Variants in CTNNA3 observed in about 807,000 individuals in gnomAD.
CTNNA3 encodes the protein catenin alpha 3.
Under a neutral mutation model 95.7 loss-of-function variants are expected in CTNNA3, and 76 were observed. The observed-to-expected ratio is 0.79, with a 90% CI of 0.66 to 0.96. The LOEUF is 0.96. Among genes scored for constraint, CTNNA3 ranks in the 40% least tolerant of loss-of-function variants. The pLI is 0.00. For synonymous variants in CTNNA3, 431 were observed against 374.4 expected (o/e 1.15, Z -1.74); for missense variants, 1,191 against 1,089.8 (o/e 1.09, Z -1.31).
At chr10:66,708,369 G>A (rs954242488) in intron 9 of CTNNA3, among the ~76,000 whole-genome samples, 3 of 151,872 alleles carry the variant, frequency 2.0e-5, no homozygotes, top group East Asian at 1.9e-4. Context: ...TGCGGGTGGC[G>A]GCCTTCTTGC....
At position 66,379,353 on chromosome 10, in the gene CTNNA3, C is replaced by G. The variant is rs756034227; in HGVS notation, c.1532-1G>C. ...TTGACATCTTCCAAGATATGGCTTT[C>G]TGTAAGTAAATGAATCAAATTAGTT... is the stretch of plus-strand genomic sequence containing the variant. On this transcript the variant is annotated splice_acceptor_variant, in intron 11 of 17. Coordinates refer to ENST00000433211, the MANE Select transcript of CTNNA3 (RefSeq NM_013266.4). LOFTEE classifies it high-confidence loss of function. 8 of 1,612,658 alleles carry G rather than the reference C, an allele frequency of 5.0e-6. No individual in the cohort carries two copies. The highest frequency in any genetic ancestry group is 6.8e-6 in the Non-Finnish European group (8 of 1,178,750).
At chr10:66,460,307 C>T (rs1203588260) in intron 11 of CTNNA3, among the ~76,000 whole-genome samples, 1 of 152,168 alleles carries the variant, frequency 6.6e-6, no homozygotes, top group Non-Finnish European at 1.5e-5. Context: ...TTAAGTACAG[C>T]ACTTACTATA....
intron 5 of CTNNA3, among the ~76,000 whole-genome samples, chr10:67,328,064 T>C (rs1238257416): frequency 6.6e-6 from 1 of 150,932 alleles, no homozygotes; most frequent in East Asian, 1.9e-4. Context: ...CAGAGGTCAG[T>C]GGGGAGAGGA....
At chr10:67,483,768 AT>A (rs59626637) in intron 5 of CTNNA3, among the ~76,000 whole-genome samples, 12,619 of 146,400 alleles carry the variant, frequency 0.086, 1,052 homozygotes, top group African/African-American at 0.22. Context: ...TAATAAAAAA[AT>A]AAAAATTAAA....
At chr10:67,221,585 C>CT (rs1364039466) in intron 5 of CTNNA3, among the ~76,000 whole-genome samples, 1 of 151,598 alleles carries the variant, frequency 6.6e-6, no homozygotes, top group Non-Finnish European at 1.5e-5. Context: ...TTTCTTTTTT[C>CT]TTTTTTTATG....
At chr10:66,985,512 T>G (rs1441886887) in intron 7 of CTNNA3, among the ~76,000 whole-genome samples, 2 of 152,080 alleles carry the variant, frequency 1.3e-5, no homozygotes, top group Non-Finnish European at 2.9e-5. Flanking sequence ...CCCCTAGTTC[T>G]CAAATCTTCT....
chr10:66,054,887 T>A (rs1332062271), intron 15 of CTNNA3, among the ~76,000 whole-genome samples: 1 of 152,210 alleles, frequency 6.6e-6, no homozygotes, highest in East Asian at 1.9e-4. Context: ...TTAATTCATT[T>A]AGGTTTTTGT....
intron 13 of CTNNA3, among the ~76,000 whole-genome samples, chr10:66,276,395 T>C (rs554934414): frequency 1.3e-5 from 2 of 152,188 alleles, no homozygotes; most frequent in South Asian, 4.1e-4. Context: ...TATACTACCC[T>C]CTCTCTCAAT....
In CTNNA3 at chr10:66,139,348, C is replaced by T. The variant is rs187685100; in HGVS notation, c.1885-36099G>A. Among the ~76,000 whole-genome samples the T allele has an allele frequency of 6.6e-5, 10 of 152,160 alleles. No homozygotes were observed. In the East Asian group the frequency reaches 1.9e-3, roughly 29 times the overall value. On this transcript the variant is annotated intron_variant, in intron 13 of 17. Transcript: ENST00000433211. ...AGATTACCCCTGATGCCATTTATAC[C>T]TTGATGGCTTTGTGTTTCAGCTCCT...
intron 7 of CTNNA3, among the ~76,000 whole-genome samples, chr10:67,041,765 T>C (rs773771388): frequency 6.6e-6 from 1 of 152,116 alleles, no homozygotes; most frequent in Non-Finnish European, 1.5e-5. Flanking sequence ...AATAAGATAA[T>C]ATTCTATCCT....
intron 5 of CTNNA3, among the ~76,000 whole-genome samples, chr10:67,303,508 G>A (rs1840413754): frequency 6.6e-6 from 1 of 152,138 alleles, no homozygotes; most frequent in South Asian, 2.1e-4. Flanking sequence ...ATTTGCTTTT[G>A]TTAACACACC....
chr10:66,900,677 C>G (rs563210772), intron 7 of CTNNA3, among the ~76,000 whole-genome samples: 1 of 152,054 alleles, frequency 6.6e-6, no homozygotes, highest in Non-Finnish European at 1.5e-5. Flanking sequence ...GTAGAGAAGA[C>G]CTTCAATGGC....
chr10:66,424,757 T>C (rs113141253), intron 11 of CTNNA3, among the ~76,000 whole-genome samples: 1,664 of 152,238 alleles, frequency 0.011, 37 homozygotes, highest in African/African-American at 0.038. Context: ...CAGTCTCTGT[T>C]TGCTACAGGG....
chr10:67,534,848 G>A (rs1564721941), intron 4 of CTNNA3, among the ~76,000 whole-genome samples: 1 of 152,024 alleles, frequency 6.6e-6, no homozygotes, highest in East Asian at 1.9e-4. Context: ...GAAATTTGGG[G>A]GAGAACATTA....
At position 66,086,767 on chromosome 10, in the gene CTNNA3, C is replaced by T. The variant is rs558105381; in HGVS notation, c.1977+16390G>A. On this transcript the variant is annotated intron_variant, in intron 14 of 17. Coordinates refer to ENST00000433211, the MANE Select transcript of CTNNA3 (RefSeq NM_013266.4). ...CTCCCCGACTCCGCAATCACAACCT[C>T]ATTGTTACTTGGCAATCTCTTGGAA... Among the ~76,000 whole-genome samples, 6 of 152,128 alleles carry T rather than the reference C, an allele frequency of 3.9e-5. No homozygotes were observed. In the South Asian group the frequency reaches 1.2e-3, roughly 32 times the overall value.
intron 12 of CTNNA3, among the ~76,000 whole-genome samples, chr10:66,306,104 GA>G (rs951935598): frequency 1.3e-5 from 2 of 152,150 alleles, no homozygotes; most frequent in Non-Finnish European, 2.9e-5. Flanking sequence ...TAAAGGGTTA[GA>G]AAAAAATCCA....
At chr10:66,526,028 T>G (rs1010700523) in intron 10 of CTNNA3, among the ~76,000 whole-genome samples, 1 of 152,208 alleles carries the variant, frequency 6.6e-6, no homozygotes, top group Non-Finnish European at 1.5e-5. Flanking sequence ...ATGTACATAC[T>G]ATGTTTTGCT....
chr10:67,655,428 TAGTG>T (rs1355917313), intron 1 of CTNNA3, among the ~76,000 whole-genome samples: 1 of 152,228 alleles, frequency 6.6e-6, no homozygotes, highest in African/African-American at 2.4e-5. Context: ...GATCAGCAAC[TAGTG>T]AAAGACTGTC....
At chr10:67,052,111 T>C (rs1855134942) in intron 7 of CTNNA3, among the ~76,000 whole-genome samples, 1 of 152,182 alleles carries the variant, frequency 6.6e-6, no homozygotes. Context: ...GAGTCTATTT[T>C]TCAGATAAAG....
Sources: allele counts gnomAD v4.1 joint callset (sites outside exome capture counted in the v4.1 genomes callset), GRCh38; gene constraint gnomAD v4.1.1; transcripts MANE v1.5; gene names NCBI Gene and HGNC (gene_info 2026-07-23, HGNC 2026-07-21).